Variants in PLA2G4A observed in about 807,000 individuals in gnomAD.
The protein encoded by PLA2G4A is phospholipase A2 group IVA.
PLA2G4A carries 40 observed loss-of-function variants against 81.9 expected under a neutral mutation model. The ratio of observed to expected loss-of-function variants is 0.49; its 90% CI spans 0.38 to 0.64. The LOEUF is 0.64. Ranked by LOEUF, PLA2G4A falls within the 30% of genes least tolerant of loss-of-function variation. The pLI, the probability that PLA2G4A is intolerant of heterozygous loss-of-function variation, is 0.00. For synonymous variants in PLA2G4A, 302 were observed against 296.9 expected (o/e 1.02, Z -0.18); for missense variants, 715 against 905.1 (o/e 0.79, Z 2.69).
rs939812692 is a variant in PLA2G4A, at chr1:186,863,652, C to T, written c.34-6783C>T. On this transcript the variant is annotated intron_variant, in intron 2 of 17. Transcript: ENST00000367466. ...CCATTTTCTCCTTCCTCCTATCTTC[C>T]CTAGCCTCTGGTAACCACTATCTTA... Among the ~76,000 whole-genome samples, 5 of 152,134 alleles carry T rather than the reference C, an allele frequency of 3.3e-5. No homozygotes were observed. The South Asian group carries it at 8.3e-4, about 25-fold the overall frequency.
At chr1:186,961,089 A>G (rs1171098531) in intron 14 of PLA2G4A, among the ~76,000 whole-genome samples, 2 of 152,140 alleles carry the variant, frequency 1.3e-5, no homozygotes, top group Admixed American at 1.3e-4. Flanking sequence ...AATGAGACAG[A>G]CACTACATGA....
At chr1:186,879,623 G>A (rs563277602) in intron 3 of PLA2G4A, among the ~76,000 whole-genome samples, 1 of 151,762 alleles carries the variant, frequency 6.6e-6, no homozygotes, top group Non-Finnish European at 1.5e-5. Context: ...TGTTAAATGG[G>A]AGTAATAATC....
At chr1:186,903,704 C>A (rs1244374667) in intron 5 of PLA2G4A, among the ~76,000 whole-genome samples, 1 of 152,192 alleles carries the variant, frequency 6.6e-6, no homozygotes, top group African/African-American at 2.4e-5. Flanking sequence ...CCTTCACCCC[C>A]ACATGGAAGG....
chr1:186,918,102 G>A (rs1655213680), intron 7 of PLA2G4A, among the ~76,000 whole-genome samples: 1 of 152,192 alleles, frequency 6.6e-6, no homozygotes. Flanking sequence ...GGTGGAAGAA[G>A]TCTTTTTCTT....
At chr1:186,892,450 T>G (rs1173505718) in intron 3 of PLA2G4A, among the ~76,000 whole-genome samples, 1 of 152,228 alleles carries the variant, frequency 6.6e-6, no homozygotes, top group Non-Finnish European at 1.5e-5. Flanking sequence ...AAATTTTTAA[T>G]CCATTTTTAT....
At chr1:186,866,176 T>G (rs1653019318) in intron 2 of PLA2G4A, among the ~76,000 whole-genome samples, 1 of 152,006 alleles carries the variant, frequency 6.6e-6, no homozygotes, top group African/African-American at 2.4e-5. Context: ...TGAAACCTAG[T>G]GCAGTCTGGA....
At chr1:186,854,676 C>G (rs933104880) in intron 2 of PLA2G4A, among the ~76,000 whole-genome samples, 14 of 151,876 alleles carry the variant, frequency 9.2e-5, no homozygotes, top group African/African-American at 2.4e-5. Context: ...TAGCAATCAT[C>G]AGCCTGCATA....
intron 14 of PLA2G4A, among the ~76,000 whole-genome samples, chr1:186,962,373 A>G (rs1656979353): frequency 6.6e-6 from 1 of 152,062 alleles, no homozygotes; most frequent in Non-Finnish European, 1.5e-5. Context: ...CCATACTCCC[A>G]TTATTGTGTT....
intron 7 of PLA2G4A, among the ~76,000 whole-genome samples, chr1:186,922,487 G>A (rs1655387701): frequency 6.6e-6 from 1 of 152,162 alleles, no homozygotes; most frequent in Non-Finnish European, 1.5e-5. Flanking sequence ...ACGGGGGCCT[G>A]CCACGCGCTG....
At chr1:186,890,160 C>T (rs1654084914) in intron 3 of PLA2G4A, among the ~76,000 whole-genome samples, 1 of 152,154 alleles carries the variant, frequency 6.6e-6, no homozygotes, top group Non-Finnish European at 1.5e-5. Context: ...ATAATGGCCG[C>T]ATGGAAAAGC....
At chr1:186,912,328 A>G (rs925361757) in intron 7 of PLA2G4A, among the ~76,000 whole-genome samples, 1 of 152,186 alleles carries the variant, frequency 6.6e-6, no homozygotes, top group Non-Finnish European at 1.5e-5. Context: ...ATCCAAGTCC[A>G]TAGTTTACGC....
chr1:186,979,411 C>G lies in PLA2G4A; in HGVS notation c.2057C>G (p.Pro686Arg). The change falls in exon 17 of 18, where the codon CCA (proline) becomes CGA (arginine). Residue 686 changes from proline to arginine, a missense_variant. Physicochemically the swap from Pro to Arg is moderately radical, Grantham distance 103 (BLOSUM62 -2). Coordinates refer to ENST00000367466, the MANE Select transcript of PLA2G4A (RefSeq NM_024420.3). ...TTTTCAACCTTCAATTTTCAATATC[C>G]AAATCAAGCATTCAAAAGACTACAT... is the stretch of plus-strand genomic sequence containing the variant. ...SPFSTFNFQY[P>R]NQAFKRLHDL... 1 of 1,600,270 alleles carries G rather than the reference C, an allele frequency of 6.2e-7. No individual in the cohort carries two copies. The highest frequency in any genetic ancestry group is 8.6e-7 in the Non-Finnish European group (1 of 1,167,428).
At chr1:186,906,301 C>A (rs1338182573) in intron 5 of PLA2G4A, among the ~76,000 whole-genome samples, 1 of 152,164 alleles carries the variant, frequency 6.6e-6, no homozygotes. Flanking sequence ...GGATATTAAT[C>A]ATTTTCTTTC....
At chr1:186,919,887 A>AG (rs1165658765) in intron 7 of PLA2G4A, among the ~76,000 whole-genome samples, 6 of 152,146 alleles carry the variant, frequency 3.9e-5, no homozygotes, top group East Asian at 1.9e-4. Flanking sequence ...GACAGGCAGG[A>AG]GGGGGGGTGT....
At chr1:186,829,497 C>T (rs574016954) in intron 1 of PLA2G4A, among the ~76,000 whole-genome samples, 10 of 152,164 alleles carry the variant, frequency 6.6e-5, no homozygotes, top group Admixed American at 5.9e-4. Context: ...ATTTTTGTTA[C>T]TTATGGGACG....
At chr1:186,983,336 G>A (rs1252687066) in intron 17 of PLA2G4A, among the ~76,000 whole-genome samples, 1 of 152,118 alleles carries the variant, frequency 6.6e-6, no homozygotes, top group African/African-American at 2.4e-5. Context: ...ACAATGCAAA[G>A]TTACCTCTCT....
At chr1:186,857,151 TTAC>T (rs1239950293) in intron 2 of PLA2G4A, among the ~76,000 whole-genome samples, 21 of 37,982 alleles carry the variant, frequency 5.5e-4, no homozygotes, top group African/African-American at 1.0e-3. Context: ...AATTATATAA[TTAC>T]ATAATATAAT....
chr1:186,878,261 TA>T (rs34606795), intron 3 of PLA2G4A, among the ~76,000 whole-genome samples: 28 of 63,774 alleles, frequency 4.4e-4, no homozygotes, highest in South Asian at 9.6e-4. Context: ...TTTTCTGATA[TA>T]TTTTATATAT....
chr1:186,892,511 A>G (rs896633075), intron 3 of PLA2G4A, among the ~76,000 whole-genome samples: 28 of 152,206 alleles, frequency 1.8e-4, no homozygotes, highest in African/African-American at 5.5e-4. Context: ...TCTTCTGCAT[A>G]TGGAGATCCA....
Sources: gnomAD v4.1 joint callset for allele counts (sites outside exome capture counted in the v4.1 genomes callset) on GRCh38, gnomAD v4.1.1 for gene constraint, MANE v1.5 for transcripts, NCBI Gene and HGNC (gene_info 2026-07-23, HGNC 2026-07-21) for gene names.